EEA1: variants seen among roughly 807,000 people sequenced by gnomAD.
EEA1 encodes early endosome antigen 1, 162kD.
EEA1 carries 111 observed loss-of-function variants against 209.2 expected under a neutral mutation model. The observed-to-expected ratio is 0.53, with a 90% CI of 0.45 to 0.62. The LOEUF (loss-of-function observed/expected upper bound fraction) is 0.62. Among genes scored for constraint, EEA1 ranks in the 20% least tolerant of loss-of-function variants. EEA1 has a pLI of 0.00. For missense variants in EEA1, 1,343 were observed against 1,530.8 expected (o/e 0.88, Z 2.05); for synonymous variants, 536 against 540.6 (o/e 0.99, Z 0.12).
At position 92,857,418 on chromosome 12, in the gene EEA1, T is replaced by C; in HGVS notation, c.300+13A>G. 6.3e-7 allele frequency: 1 copy of C among 1,591,066 alleles called. No homozygotes were observed. The highest frequency in any genetic ancestry group is 8.5e-7 in the Non-Finnish European group (1 of 1,170,860). On this transcript the variant is annotated intron_variant, in intron 4 of 28. Coordinates refer to ENST00000322349, the MANE Select transcript of EEA1 (RefSeq NM_003566.4). ...CACTGAAAATAAAAAGGTATAACAA[T>C]TTTTATTCTTACCTTAAGTGAAGCC...
intron 2 of EEA1, among the ~76,000 whole-genome samples, chr12:92,876,513 C>A (rs1365165664): frequency 1.3e-5 from 2 of 152,066 alleles, no homozygotes; most frequent in African/African-American, 2.4e-5. Flanking sequence ...GGGATAAGAC[C>A]CTATCTATGA....
At chr12:92,783,574 G>A (rs1443483795) in intron 22 of EEA1, among the ~76,000 whole-genome samples, 1 of 152,198 alleles carries the variant, frequency 6.6e-6, no homozygotes, top group Non-Finnish European at 1.5e-5. Flanking sequence ...TATCGTAGAA[G>A]TAGTGATTGT....
intron 10 of EEA1, 124 bp downstream of exon 10, chr12:92,842,341 T>C: frequency 1.8e-6 from 1 of 553,988 alleles, no homozygotes; most frequent in Admixed American, 3.6e-5. Flanking sequence ...GTGAACATAT[T>C]AAACACTAAA....
chr12:92,847,209 C>A (rs562837387), intron 9 of EEA1, among the ~76,000 whole-genome samples: 1 of 152,234 alleles, frequency 6.6e-6, no homozygotes, highest in East Asian at 1.9e-4. Context: ...ACCGCCTGGG[C>A]CTCCCAACGT....
intron 2 of EEA1, among the ~76,000 whole-genome samples, chr12:92,868,380 TTG>T (rs1436076155): frequency 6.6e-6 from 1 of 152,230 alleles, no homozygotes; most frequent in Non-Finnish European, 1.5e-5. Context: ...CATTTCTCTT[TTG>T]TGTCTCAACT....
chr12:92,800,033 G>A (rs1226085269), intron 20 of EEA1, among the ~76,000 whole-genome samples: 1 of 151,744 alleles, frequency 6.6e-6, no homozygotes, highest in Non-Finnish European at 1.5e-5. Context: ...GACCAGCCTG[G>A]GCAACATGGT....
chr12:92,865,247 C>T (rs1021544853), intron 2 of EEA1, among the ~76,000 whole-genome samples: 1 of 152,004 alleles, frequency 6.6e-6, no homozygotes, highest in East Asian at 1.9e-4. Context: ...AGCTGGAGTA[C>T]CCAAGTCTAA....
chr12:92,835,442 C>G, intron 10 of EEA1: 1 of 186,956 alleles, frequency 5.3e-6, no homozygotes, highest in South Asian at 3.4e-5. Context: ...GATGGAGTCT[C>G]GCTCTGTCGC....
At chr12:92,921,878 A>G (rs1208799322) in intron 1 of EEA1, among the ~76,000 whole-genome samples, 2 of 150,080 alleles carry the variant, frequency 1.3e-5, no homozygotes, top group African/African-American at 2.4e-5. Context: ...AAAAAAAAAA[A>G]AAAAAAAAGA....
At chr12:92,865,870 C>A (rs1199824718) in intron 2 of EEA1, among the ~76,000 whole-genome samples, 1 of 151,918 alleles carries the variant, frequency 6.6e-6, no homozygotes, top group East Asian at 1.9e-4. Flanking sequence ...GCCTCAGCCT[C>A]CCGAGGAGCT....
In EEA1 at chr12:92,814,324, C is replaced by T. The variant is rs538838024; in HGVS notation, c.1930-1231G>A. The stretch of plus-strand genomic sequence containing the variant: ...CTAAAGAAATCTTCCCTTTAAACAA[C>T]ACATAGTAAATCTATACTGATGAAT... On this transcript the variant is annotated intron_variant, in intron 15 of 28. Transcript: ENST00000322349. Among the ~76,000 whole-genome samples the T allele has an allele frequency of 2.0e-5, 3 of 152,240 alleles. No individual in the cohort carries two copies. In the South Asian group the frequency reaches 6.2e-4, roughly 32 times the overall value.
intron 1 of EEA1, among the ~76,000 whole-genome samples, chr12:92,915,994 G>A (rs1340217796): frequency 6.6e-6 from 1 of 152,110 alleles, no homozygotes; most frequent in Non-Finnish European, 1.5e-5. Flanking sequence ...TTATAGATAA[G>A]TTCCTAGTAC....
At position 92,832,783 on chromosome 12, in the gene EEA1, T is replaced by A. The variant is rs1366720890; in HGVS notation, c.983A>T (p.Glu328Val). The A allele has an allele frequency of 6.2e-7, 1 of 1,613,924 alleles. No homozygotes were observed. The highest frequency in any genetic ancestry group is 1.3e-5 in the African/African-American group (1 of 75,052). The change falls in exon 11 of 29, where the codon GAA (glutamate) becomes GTA (valine). Residue 328 changes from glutamate to valine, a missense_variant. By Grantham distance (121) the Glu-to-Val change is moderately radical. Coordinates refer to ENST00000322349, the MANE Select transcript of EEA1 (RefSeq NM_003566.4). Reference protein sequence around the residue: ...YTKLEEKHNEESVSKKNIQAT... With the variant: ...YTKLEEKHNEVSVSKKNIQAT... ...CTGAATATTCTTTTTACTCACAGAT[T>A]CTTCATTATGTTTCTCCTCTAACTT...
intron 1 of EEA1, among the ~76,000 whole-genome samples, chr12:92,907,828 G>C (rs968361920): frequency 6.6e-6 from 1 of 152,068 alleles, no homozygotes; most frequent in African/African-American, 2.4e-5. Context: ...TATTAACCAG[G>C]CATGGTGATG....
intron 6 of EEA1, among the ~76,000 whole-genome samples, 198 bp downstream of exon 6, chr12:92,853,717 A>T (rs890427844): frequency 6.6e-6 from 1 of 152,178 alleles, no homozygotes; most frequent in Non-Finnish European, 1.5e-5. Flanking sequence ...AAAAAACTAA[A>T]CTTTTAGTTA....
Position 92,929,218 on chromosome 12 carries a change from C to CGT in EEA1, c.-153_-152insAC. The CGT allele has an allele frequency of 1.5e-6, 1 of 661,606 alleles. No individual in the cohort carries two copies. Among genetic ancestry groups the CGT allele is most frequent in the Non-Finnish European group, 2.4e-6 (1 of 415,000 alleles). The allele number at this position is 661,606 out of a possible 1,614,324, so 41.0% of individuals were successfully genotyped here. A position where few individuals can be genotyped will look rare whatever the true frequency, so the allele number is the denominator to read the frequency against. ...CGGTGGCGACGGCCGCTCGGGCGGCCCCGACTTCCCCACAGGCGGCGAGAG... is the reference window on the plus strand; with the variant it reads ...CGGTGGCGACGGCCGCTCGGGCGGCCGTCCGACTTCCCCACAGGCGGCGAGAG... On this transcript the variant is annotated 5_prime_UTR_variant, in exon 1 of 29. Transcript: ENST00000322349.
rs61759463 is a variant in EEA1 at position 92,827,939 on chromosome 12, T to C, written c.1377A>G (p.Gln459=). 27 of 1,570,632 alleles carry C rather than the reference T, an allele frequency of 1.7e-5. No homozygotes were observed. The highest frequency in any genetic ancestry group is 6.0e-5 in the South Asian group (5 of 83,768). ...MDKEQQVADL[Q]LKLSRLEEQL... ...GCTCTTCTAACCGAGAAAGTTTGAG[T>C]TGTAAATCAGCCACTTGTTGTTCTT... Residue 459 remains glutamine (Q), a synonymous_variant, in exon 12 of 29, where the codon CAA becomes CAG. Coordinates refer to ENST00000322349, the MANE Select transcript of EEA1 (RefSeq NM_003566.4).
At position 92,857,454 on chromosome 12, in the gene EEA1, G is replaced by T. The variant is rs765830969; in HGVS notation, c.277C>A (p.Gln93Lys). 6.3e-7 allele frequency: 1 copy of T among 1,597,390 alleles called. No individual in the cohort carries two copies. The highest frequency in any genetic ancestry group is 2.2e-5 in the East Asian group (1 of 44,476). ...ACCTTAAGTGAAGCCTGTAGGTCTTGGACCTCTTGTCTGAGCAGTGTTACA... is the reference window on the plus strand; with the variant it reads ...ACCTTAAGTGAAGCCTGTAGGTCTTTGACCTCTTGTCTGAGCAGTGTTACA... ...DDVTLLRQEVQDLQASLKEEK... is the reference protein window; with the variant it reads ...DDVTLLRQEVKDLQASLKEEK... Residue 93 changes from glutamine (Q) to lysine (K), a missense_variant, in exon 4 of 29, where the codon CAA (glutamine) becomes AAA (lysine). Around this residue, in one of 3 missense-constraint regions of EEA1, gnomAD observed 1,307 missense variants for 1,465.5 expected, o/e 0.89. Coordinates refer to ENST00000322349, the MANE Select transcript of EEA1 (RefSeq NM_003566.4).
chr12:92,813,198 T>A, intron 15 of EEA1, 105 bp from the exon 16 acceptor site: 1 of 639,864 alleles, frequency 1.6e-6, no homozygotes, highest in African/African-American at 1.8e-5. Context: ...AAAAATTAAG[T>A]CCTTGGCAAA....
Sources: allele counts gnomAD v4.1 joint callset (sites outside exome capture counted in the v4.1 genomes callset), GRCh38; gene constraint gnomAD v4.1.1; regional missense constraint gnomAD v4.1.1; transcripts MANE v1.5; gene names NCBI Gene and HGNC (gene_info 2026-07-23, HGNC 2026-07-21).